BPI: variants seen among roughly 807,000 people sequenced by gnomAD.
The protein encoded by BPI is bactericidal permeability increasing protein.
In BPI, 48 loss-of-function variants were observed where a neutral mutation model predicts 57.6. The observed-to-expected ratio is 0.83, with a 90% CI of 0.66 to 1.06. BPI has a LOEUF of 1.06. BPI is among the 50% of genes least tolerant of loss of function. The probability of loss-of-function intolerance (pLI) is 0.00; values close to 1 mark genes in which losing one functional copy is unlikely to be tolerated. For missense variants in BPI, 651 were observed against 609.7 expected (o/e 1.07, Z -0.71); for synonymous variants, 237 against 238.2 (o/e 0.99, Z 0.05).
intron 12 of BPI, among the ~76,000 whole-genome samples, chr20:38,332,824 C>T (rs896904765): frequency 1.3e-5 from 2 of 152,134 alleles, no homozygotes; most frequent in African/African-American, 4.8e-5. Context: ...CGAGTTGCCC[C>T]TGTTAGTAGT....
chr20:38,327,798 T>A, intron 11 of BPI, 143 bp downstream of exon 11: 1 of 945,976 alleles, frequency 1.1e-6, no homozygotes, highest in Non-Finnish European at 1.6e-6. Context: ...GAGTGTGCGA[T>A]GGCCACAGTA....
chr20:38,320,512 G>A (rs375060930), intron 7 of BPI, among the ~76,000 whole-genome samples: 21 of 146,104 alleles, frequency 1.4e-4, no homozygotes, highest in African/African-American at 4.1e-4. Flanking sequence ...TTTTTCCTCC[G>A]CCTGGGTACT....
At chr20:38,311,846 A>G (rs1600699883) in intron 4 of BPI, 28 bp from the exon 5 acceptor site, 1 of 1,609,574 alleles carries the variant, frequency 6.2e-7, no homozygotes, top group Non-Finnish European at 8.5e-7. Context: ...AAAAAGCCTC[A>G]TCTATGTCCC....
chr20:38,311,344 C>T (rs920728789), intron 4 of BPI, among the ~76,000 whole-genome samples: 2 of 152,202 alleles, frequency 1.3e-5, no homozygotes, highest in Non-Finnish European at 2.9e-5. Flanking sequence ...GAATGAATGG[C>T]CCACACAGAA....
At chr20:38,313,804 GATGATGGTGATGGTGAGGATGATA>G (rs1442446836) in intron 5 of BPI, among the ~76,000 whole-genome samples, 2 of 147,946 alleles carry the variant, frequency 1.4e-5, no homozygotes, top group African/African-American at 4.9e-5. Flanking sequence ...TGGGGATGAT[GATGATGGTGATGGTGAGGATGATA>G]ATGGTGATGG....
intron 9 of BPI, among the ~76,000 whole-genome samples, chr20:38,326,057 A>C (rs559563971): frequency 6.6e-6 from 1 of 152,302 alleles, no homozygotes; most frequent in African/African-American, 2.4e-5. Flanking sequence ...AAAGAGTTCC[A>C]TGTGGCCAGA....
chr20:38,321,164 GATGGATGGATGGATGGATGGATAC>G (rs2076682804), intron 7 of BPI, among the ~76,000 whole-genome samples: 1 of 142,834 alleles, frequency 7.0e-6, no homozygotes, highest in African/African-American at 2.6e-5. Flanking sequence ...TGGATGGATG[GATGGATGGATGGATGGATGGATAC>G]ATGGATAGAT....
rs907129935 is a variant in BPI at position 38,323,782 on chromosome 20, T to G, written c.757-88T>G. On this transcript the variant is annotated intron_variant, in intron 7 of 14. Coordinates refer to ENST00000642449, the MANE Select transcript of BPI (RefSeq NM_001725.3). ...TTTTCCTTTGCAAGTGTACAATTGG[T>G]GTCTTCAGTCCATTTTTTCCTGGAT... The G allele has an allele frequency of 2.8e-6, 4 of 1,412,256 alleles. No homozygotes were observed. The Admixed American group carries it at 6.2e-5, about 22-fold the overall frequency. 87.5% of individuals were successfully genotyped at this position (1,412,256 alleles called of 1,614,324 possible). A position where few individuals can be genotyped will look rare whatever the true frequency, so the allele number is the denominator to read the frequency against.
rs373704456 is a variant in BPI at position 38,308,932 on chromosome 20, T to C, written c.248T>C (p.Met83Thr). 14 of 1,614,096 alleles carry C rather than the reference T, an allele frequency of 8.7e-6. No individual in the cohort carries two copies. In the African/African-American group the frequency reaches 1.9e-4, roughly 22 times the overall value. The change falls in exon 3 of 15, where the codon ATG (methionine) becomes ACG (threonine). Residue 83 changes from methionine to threonine, a missense_variant and splice_region_variant. Coordinates refer to ENST00000642449, the MANE Select transcript of BPI (RefSeq NM_001725.3). ...LGKGHYSFYS[M>T]DIREFQLPSS... ...ACATTCACATTTCTCCTTTGCAGCATGGACATCCGTGAATTCCAGCTTCCC... is the reference window on the plus strand; with the variant it reads ...ACATTCACATTTCTCCTTTGCAGCACGGACATCCGTGAATTCCAGCTTCCC...
intron 3 of BPI, 100 bp downstream of exon 3, chr20:38,309,158 T>A (rs2076610576): frequency 6.5e-7 from 1 of 1,530,250 alleles, no homozygotes; most frequent in Non-Finnish European, 9.0e-7. Flanking sequence ...TTGCCTTGCC[T>A]ATTACCACCT....
intron 7 of BPI, 132 bp from the exon 8 acceptor site, chr20:38,323,738 T>G: frequency 4.0e-6 from 4 of 989,924 alleles, no homozygotes; most frequent in African/African-American, 1.6e-5. Flanking sequence ...GATGCTACTG[T>G]TAGTTTCTGG....
chr20:38,321,565 C>T (rs2076685800), intron 7 of BPI: 1 of 152,194 alleles, frequency 6.6e-6, no homozygotes, highest in South Asian at 2.1e-4. Flanking sequence ...GAGTGGGTCC[C>T]ACTCTGAAAT....
At position 38,304,200 on chromosome 20, in the gene BPI, C is replaced by A; in HGVS notation, c.-24C>A. 1 of 1,614,002 alleles carries A rather than the reference C, an allele frequency of 6.2e-7. No homozygotes were observed. The highest frequency in any genetic ancestry group is 8.5e-7 in the Non-Finnish European group (1 of 1,179,936). On this transcript the variant is annotated 5_prime_UTR_variant, in exon 1 of 15. Coordinates refer to ENST00000642449, the MANE Select transcript of BPI (RefSeq NM_001725.3). ...CAACCTCAAGGCCTTGAGGTTTTGGCAGCTCTGGAGGATGAGAGAGAACAT... is the reference window on the plus strand; with the variant it reads ...CAACCTCAAGGCCTTGAGGTTTTGGAAGCTCTGGAGGATGAGAGAGAACAT...
intron 12 of BPI, 151 bp downstream of exon 12, chr20:38,331,241 C>A: frequency 1.0e-6 from 1 of 958,890 alleles, no homozygotes; most frequent in Non-Finnish European, 1.6e-6. Context: ...GCTTCGTGGG[C>A]AGAGGGACCT....
rs1600698044 is a variant in BPI at position 38,308,802 on chromosome 20, C to A, written c.246-128C>A. 1.3e-5 allele frequency: 17 copies of A among 1,277,114 alleles called. No homozygotes were observed. In the East Asian group the frequency reaches 4.0e-4, roughly 30 times the overall value. 79.1% of individuals were successfully genotyped at this position (1,277,114 alleles called of 1,614,324 possible). A position where few individuals can be genotyped will look rare whatever the true frequency, so the allele number is the denominator to read the frequency against. On this transcript the variant is annotated intron_variant, in intron 2 of 14. Coordinates refer to ENST00000642449, the MANE Select transcript of BPI (RefSeq NM_001725.3). ...AAGCCTGCTTTCTTAGCTTTGGGCTCCTCCTGGAATGGATGGAGTGAAGGA... is the reference window on the plus strand; with the variant it reads ...AAGCCTGCTTTCTTAGCTTTGGGCTACTCCTGGAATGGATGGAGTGAAGGA...
rs2076772332 is a variant in BPI, at chr20:38,337,283, C to G, written c.*99C>G. 1 of 1,037,602 alleles carries G rather than the reference C, an allele frequency of 9.6e-7. No homozygotes were observed. Among genetic ancestry groups the G allele is most frequent in the African/African-American group, 1.7e-5 (1 of 59,100 alleles). 64.3% of individuals were successfully genotyped at this position (1,037,602 alleles called of 1,614,324 possible). A position where few individuals can be genotyped will look rare whatever the true frequency, so the allele number is the denominator to read the frequency against. Reference sequence around the variant, plus strand: ...CAGGGAATCCTCTCCAGATCTTAACCAAGAGCCCCTTGCAAACTTCTTCGA... The same window carrying G: ...CAGGGAATCCTCTCCAGATCTTAACGAAGAGCCCCTTGCAAACTTCTTCGA... On this transcript the variant is annotated 3_prime_UTR_variant, in exon 15 of 15. Transcript: ENST00000642449.
At chr20:38,333,158 A>T (rs2076750544) in intron 12 of BPI, among the ~76,000 whole-genome samples, 1 of 152,082 alleles carries the variant, frequency 6.6e-6, no homozygotes, top group African/African-American at 2.4e-5. Context: ...GACCAAATGC[A>T]ACCTCACTGT....
intron 12 of BPI, among the ~76,000 whole-genome samples, chr20:38,331,778 G>A (rs1394077237): frequency 6.6e-6 from 1 of 151,564 alleles, no homozygotes; most frequent in Non-Finnish European, 1.5e-5. Flanking sequence ...GGGAGTTCCA[G>A]GTTACACAAG....
chr20:38,326,915 A>T (rs563322411), intron 10 of BPI, among the ~76,000 whole-genome samples: 1 of 152,232 alleles, frequency 6.6e-6, no homozygotes, highest in South Asian at 2.1e-4. Flanking sequence ...ATTCATTTGT[A>T]TATTTGTTCA....
Sources: allele counts gnomAD v4.1 joint callset (sites outside exome capture counted in the v4.1 genomes callset), GRCh38; gene constraint gnomAD v4.1.1; transcripts MANE v1.5; gene names NCBI Gene and HGNC (gene_info 2026-07-23, HGNC 2026-07-21).